PLEKHM3: variants seen among roughly 807,000 people sequenced by gnomAD.
PLEKHM3 encodes pleckstrin homology domain containing M3, also known as pleckstrin homology domain-containing family M member 3.
In PLEKHM3, 45 loss-of-function variants were observed where a neutral mutation model predicts 81.8. The observed-to-expected ratio is 0.55, with a 90% CI of 0.43 to 0.71. The LOEUF is 0.71. PLEKHM3 is among the 30% of genes least tolerant of loss of function. The pLI, the probability that PLEKHM3 is intolerant of heterozygous loss-of-function variation, is 0.00. For missense variants in PLEKHM3, 788 were observed against 924.3 expected, an observed-to-expected ratio of 0.85 and a Z score of 1.91; for synonymous variants, 352 against 356.4, an observed-to-expected ratio of 0.99 and a Z score of 0.14.
chr2:207,936,183 T>C lies in PLEKHM3; in HGVS notation c.1693-5064A>G, dbSNP rs140959724. On this transcript the variant is annotated intron_variant, in intron 4 of 7. Transcript: ENST00000427836. ...TAAATTTTTTGTAGAGATAGGGTCTTGCTGCTGCCCAAGCTGGTCTCAAGC... is the reference window on the plus strand; with the variant it reads ...TAAATTTTTTGTAGAGATAGGGTCTCGCTGCTGCCCAAGCTGGTCTCAAGC... Among the ~76,000 whole-genome samples the C allele has an allele frequency of 2.4e-4, 36 of 152,276 alleles. No homozygotes were observed. In the East Asian group the frequency reaches 7.0e-3, roughly 29 times the overall value.
chr2:207,858,888 C>G (rs939995044), intron 7 of PLEKHM3, among the ~76,000 whole-genome samples: 1 of 152,064 alleles, frequency 6.6e-6, no homozygotes, highest in African/African-American at 2.4e-5. Flanking sequence ...GCAACCATTA[C>G]CACAATCTAA....
intron 5 of PLEKHM3, among the ~76,000 whole-genome samples, chr2:207,920,653 A>G (rs1307216506): frequency 7.2e-5 from 10 of 138,948 alleles, no homozygotes; most frequent in African/African-American, 2.4e-4. Flanking sequence ...CAGTTTGCCT[A>G]TTTTTTTTTT....
chr2:207,908,618 C>G, intron 5 of PLEKHM3, 41 bp from the exon 6 acceptor site: 1 of 1,511,076 alleles, frequency 6.6e-7, no homozygotes, highest in Non-Finnish European at 9.1e-7. Flanking sequence ...TGTGGTGCTG[C>G]CATAACACAC....
chr2:207,950,322 G>A (rs1690287877), intron 3 of PLEKHM3, among the ~76,000 whole-genome samples: 1 of 152,222 alleles, frequency 6.6e-6, no homozygotes, highest in African/African-American at 2.4e-5. Context: ...TCTAAAGGCA[G>A]GAAGCCTGAG....
chr2:208,022,741 T>C (rs947459291), intron 1 of PLEKHM3, among the ~76,000 whole-genome samples: 2 of 152,220 alleles, frequency 1.3e-5, no homozygotes, highest in African/African-American at 4.8e-5. Context: ...TATGGGCTCC[T>C]GTGATTAGAT....
chr2:207,993,760 C>A (rs1453101562), intron 2 of PLEKHM3, among the ~76,000 whole-genome samples: 2 of 152,038 alleles, frequency 1.3e-5, no homozygotes, highest in Non-Finnish European at 2.9e-5. Flanking sequence ...TGAACACAGT[C>A]AGGAATGGAA....
intron 7 of PLEKHM3, among the ~76,000 whole-genome samples, chr2:207,841,794 A>G (rs910177225): frequency 3.3e-5 from 5 of 151,886 alleles, no homozygotes; most frequent in African/African-American, 1.2e-4. Context: ...TGATCTTTGT[A>G]TCCTTATTCC....
chr2:207,935,028 C>G (rs1436660593), intron 4 of PLEKHM3, among the ~76,000 whole-genome samples: 2 of 152,080 alleles, frequency 1.3e-5, no homozygotes, highest in Admixed American at 6.5e-5. Flanking sequence ...GTAGTGTGGA[C>G]TTTGTTTTTA....
chr2:207,840,089 T>C (rs1243619043), intron 7 of PLEKHM3, among the ~76,000 whole-genome samples: 1 of 152,258 alleles, frequency 6.6e-6, no homozygotes, highest in Non-Finnish European at 1.5e-5. Context: ...AAGTCAATCA[T>C]TGCTAAAGAC....
At chr2:207,830,901 A>G (rs1439630753) in intron 7 of PLEKHM3, among the ~76,000 whole-genome samples, 1 of 152,178 alleles carries the variant, frequency 6.6e-6, no homozygotes, top group East Asian at 1.9e-4. Context: ...TCTGTTGTCT[A>G]AGCCACCCAG....
At chr2:207,934,892 T>C (rs541159871) in intron 4 of PLEKHM3, among the ~76,000 whole-genome samples, 1 of 152,338 alleles carries the variant, frequency 6.6e-6, no homozygotes, top group East Asian at 1.9e-4. Flanking sequence ...CAGGTTTGCG[T>C]AATCCTGAGG....
chr2:208,023,105 T>C (rs946520643), intron 1 of PLEKHM3, among the ~76,000 whole-genome samples: 1 of 152,168 alleles, frequency 6.6e-6, no homozygotes, highest in Admixed American at 6.5e-5. Context: ...TTAAAAGTTT[T>C]AAATTGTGGT....
intron 2 of PLEKHM3, among the ~76,000 whole-genome samples, chr2:207,984,452 C>G (rs1375730049): frequency 2.0e-5 from 3 of 151,840 alleles, no homozygotes; most frequent in Non-Finnish European, 2.9e-5. Context: ...GTGATCTCGG[C>G]TCACTGCAAC....
chr2:207,946,158 T>C (rs1690120195), intron 4 of PLEKHM3, among the ~76,000 whole-genome samples: 2 of 152,210 alleles, frequency 1.3e-5, no homozygotes, highest in Admixed American at 6.5e-5. Flanking sequence ...TCTATATGTC[T>C]TTTTAAATGA....
intron 1 of PLEKHM3, among the ~76,000 whole-genome samples, chr2:208,016,668 A>AAAACACACACACACACACAC (rs1553568085): frequency 3.2e-5 from 2 of 61,552 alleles, no homozygotes; most frequent in African/African-American, 4.5e-5. Context: ...AAAAAAAAAA[A>AAAACACACACACACACACAC]ATACACACAC....
chr2:207,896,012 G>A (rs1353967218), intron 6 of PLEKHM3, among the ~76,000 whole-genome samples: 1 of 152,186 alleles, frequency 6.6e-6, no homozygotes, highest in Non-Finnish European at 1.5e-5. Flanking sequence ...TACACTCAGC[G>A]ACCTGGCTCT....
At chr2:207,991,728 A>G (rs1691906715) in intron 2 of PLEKHM3, among the ~76,000 whole-genome samples, 1 of 152,178 alleles carries the variant, frequency 6.6e-6, no homozygotes, top group Non-Finnish European at 1.5e-5. Flanking sequence ...TCCTTGGGGC[A>G]GCTGTAGCCA....
intron 7 of PLEKHM3, among the ~76,000 whole-genome samples, chr2:207,846,859 A>G (rs996336153): frequency 6.6e-6 from 1 of 152,206 alleles, no homozygotes; most frequent in African/African-American, 2.4e-5. Context: ...ATATGATTCT[A>G]ACTATTTAAA....
At chr2:208,005,121 G>T (rs775932555) in intron 1 of PLEKHM3, among the ~76,000 whole-genome samples, 2 of 152,044 alleles carry the variant, frequency 1.3e-5, no homozygotes, top group Admixed American at 1.3e-4. Context: ...CACCACTCCT[G>T]GCCAACAGTT....
Sources: allele counts gnomAD v4.1 joint callset (sites outside exome capture counted in the v4.1 genomes callset), GRCh38; gene constraint gnomAD v4.1.1; transcripts MANE v1.5; gene names NCBI Gene and HGNC (gene_info 2026-07-23, HGNC 2026-07-21).